The following RGL1 variants were observed in gnomAD, a reference collection of about 807,000 sequenced individuals.
RGL1 encodes the protein ral guanine nucleotide dissociation stimulator-like 1.
A neutral mutation model predicts 95.2 loss-of-function variants in RGL1; 24 were observed. The observed-to-expected ratio is 0.25, with a 90% CI of 0.18 to 0.35. RGL1 has a LOEUF of 0.35. Ranked by LOEUF, RGL1 falls within the 10% of genes least tolerant of loss-of-function variation. The pLI is 1.00. For synonymous variants in RGL1, 329 were observed against 344.9 expected (o/e 0.95, Z 0.51); for missense variants, 715 against 936.3 (o/e 0.76, Z 3.08).
chr1:183,893,851 A>G (rs1034034857), intron 9 of RGL1, among the ~76,000 whole-genome samples: 3 of 152,264 alleles, frequency 2.0e-5, no homozygotes, highest in East Asian at 3.9e-4. Context: ...TGTATCCCTA[A>G]TGCCCAACCA....
chr1:183,730,232 C>T (rs1174921273), intron 1 of RGL1, among the ~76,000 whole-genome samples: 1 of 152,136 alleles, frequency 6.6e-6, no homozygotes, highest in East Asian at 1.9e-4. Context: ...AAAGCCTGTT[C>T]CATATTGGGC....
chr1:183,644,052 T>G (rs1378723155), intron 1 of RGL1, among the ~76,000 whole-genome samples: 1 of 152,126 alleles, frequency 6.6e-6, no homozygotes, highest in Non-Finnish European at 1.5e-5. Flanking sequence ...CTGGCTTCCA[T>G]AGTTTAGAGG....
intron 1 of RGL1, among the ~76,000 whole-genome samples, chr1:183,679,330 T>C (rs1653041796): frequency 6.6e-6 from 1 of 152,140 alleles, no homozygotes; most frequent in Admixed American, 6.6e-5. Context: ...GGTGGTTTCC[T>C]GCACCTATCA....
chr1:183,865,045 A>G (rs1401293245), intron 3 of RGL1, among the ~76,000 whole-genome samples: 4 of 152,242 alleles, frequency 2.6e-5, no homozygotes, highest in Non-Finnish European at 5.9e-5. Flanking sequence ...TGAAACCCCA[A>G]GGAATCTCTG....
chr1:183,701,012 T>C (rs542249167), intron 1 of RGL1, among the ~76,000 whole-genome samples: 9 of 152,342 alleles, frequency 5.9e-5, no homozygotes, highest in Admixed American at 2.0e-4. Flanking sequence ...GGTGTTTCGT[T>C]TTCTGTTCCT....
intron 1 of RGL1, among the ~76,000 whole-genome samples, chr1:183,673,352 C>G (rs1483167325): frequency 6.6e-6 from 1 of 152,158 alleles, no homozygotes; most frequent in African/African-American, 2.4e-5. Flanking sequence ...CTTTTTCTTT[C>G]TCTCATCAAA....
chr1:183,858,845 A>G (rs866014812), intron 3 of RGL1, among the ~76,000 whole-genome samples: 45 of 152,340 alleles, frequency 3.0e-4, no homozygotes, highest in African/African-American at 1.0e-3. Context: ...CTATAGGCGA[A>G]AAAGAAAAGT....
At chr1:183,703,626 T>C (rs911160282) in intron 1 of RGL1, among the ~76,000 whole-genome samples, 1 of 152,234 alleles carries the variant, frequency 6.6e-6, no homozygotes, top group Non-Finnish European at 1.5e-5. Context: ...ATTGGAGATA[T>C]TAAACTTACC....
At chr1:183,887,922 C>A (rs1667210964) in intron 7 of RGL1, among the ~76,000 whole-genome samples, 1 of 151,874 alleles carries the variant, frequency 6.6e-6, no homozygotes, top group African/African-American at 2.4e-5. Flanking sequence ...CAATTTGAAA[C>A]CAAATGAATG....
chr1:183,859,206 C>T (rs560953727), intron 3 of RGL1, among the ~76,000 whole-genome samples: 4 of 152,130 alleles, frequency 2.6e-5, no homozygotes, highest in South Asian at 4.2e-4. Context: ...GGAGTAGCTA[C>T]GGATGGGCCA....
At chr1:183,895,224 AC>A (rs1413311859) in intron 9 of RGL1, among the ~76,000 whole-genome samples, 1 of 152,190 alleles carries the variant, frequency 6.6e-6, no homozygotes, top group Admixed American at 6.6e-5. Context: ...GCTTAAGTTA[AC>A]CAACATTTAT....
chr1:183,769,133 A>G (rs1659151050), intron 2 of RGL1, among the ~76,000 whole-genome samples: 1 of 152,228 alleles, frequency 6.6e-6, no homozygotes, highest in Non-Finnish European at 1.5e-5. Context: ...AGACAAAGCT[A>G]GTTGTCATTT....
intron 1 of RGL1, among the ~76,000 whole-genome samples, chr1:183,731,761 A>G (rs959537846): frequency 1.3e-5 from 2 of 152,194 alleles, no homozygotes; most frequent in African/African-American, 4.8e-5. Flanking sequence ...GGGAATTAAT[A>G]CTTACCTCAA....
At chr1:183,894,682 A>G (rs990534070) in intron 9 of RGL1, among the ~76,000 whole-genome samples, 7 of 152,114 alleles carry the variant, frequency 4.6e-5, no homozygotes, top group Non-Finnish European at 8.8e-5. Flanking sequence ...GGGTAACAAT[A>G]TAATAGTTTC....
intron 2 of RGL1, among the ~76,000 whole-genome samples, chr1:183,835,289 TAATC>T (rs1663567607): frequency 6.6e-6 from 1 of 152,166 alleles, no homozygotes; most frequent in South Asian, 2.1e-4. Context: ...CTGTATCCCA[TAATC>T]AATCATATTG....
At chr1:183,728,097 C>T (rs1656414747) in intron 1 of RGL1, among the ~76,000 whole-genome samples, 1 of 152,150 alleles carries the variant, frequency 6.6e-6, no homozygotes, top group Non-Finnish European at 1.5e-5. Context: ...AATTTCCTCT[C>T]TCTGTTTTTA....
chr1:183,898,873 A>G (rs909136288), intron 10 of RGL1, among the ~76,000 whole-genome samples: 2 of 152,220 alleles, frequency 1.3e-5, no homozygotes, highest in African/African-American at 2.4e-5. Context: ...CCTCATGTCA[A>G]GCAGCCTGGC....
intron 4 of RGL1, among the ~76,000 whole-genome samples, chr1:183,873,184 T>C (rs1276944030): frequency 6.6e-6 from 1 of 152,124 alleles, no homozygotes; most frequent in Non-Finnish European, 1.5e-5. Flanking sequence ...CATACGAGTA[T>C]CTCCTAGGGT....
At chr1:183,802,684 T>C (rs1265933142), upstream of RGL1, among the ~76,000 whole-genome samples, 2 of 150,422 alleles carry the variant, frequency 1.3e-5, no homozygotes, top group South Asian at 2.1e-4. Flanking sequence ...TGTTTCTATA[T>C]ACTAACAACA....
Sources: allele counts gnomAD v4.1 joint callset (sites outside exome capture counted in the v4.1 genomes callset), GRCh38; gene constraint gnomAD v4.1.1; transcripts MANE v1.5; gene names NCBI Gene and HGNC (gene_info 2026-07-23, HGNC 2026-07-21).